The following SEC14L1 variants were observed in gnomAD, a reference collection of about 807,000 sequenced individuals.
SEC14L1 encodes SEC14-like protein 1.
A neutral mutation model predicts 85.3 loss-of-function variants in SEC14L1; 48 were observed. The ratio of observed to expected loss-of-function variants is 0.56; its 90% CI spans 0.45 to 0.72. The LOEUF (loss-of-function observed/expected upper bound fraction) is 0.72, where lower values mean the gene tolerates loss of function less well. Ranked by LOEUF, SEC14L1 falls within the 30% of genes least tolerant of loss-of-function variation. The pLI is 0.00. For synonymous variants in SEC14L1, 391 were observed against 355.5 expected (o/e 1.10, Z -1.12); for missense variants, 682 against 921.4 (o/e 0.74, Z 3.36).
At chr17:77,187,198 C>T (rs1975303569) in intron 3 of SEC14L1, among the ~76,000 whole-genome samples, 1 of 152,150 alleles carries the variant, frequency 6.6e-6, no homozygotes, top group East Asian at 1.9e-4. Context: ...TGGTCCCAGG[C>T]ATTTTGGAGA....
intron 3 of SEC14L1, among the ~76,000 whole-genome samples, chr17:77,118,688 G>C (rs1240602253): frequency 6.6e-6 from 1 of 152,242 alleles, no homozygotes; most frequent in African/African-American, 2.4e-5. Context: ...TTATAATTAT[G>C]CATTTCGACA....
At chr17:77,173,835 G>A (rs893545769) in intron 3 of SEC14L1, among the ~76,000 whole-genome samples, 33 of 152,258 alleles carry the variant, frequency 2.2e-4, no homozygotes, top group African/African-American at 7.0e-4. Flanking sequence ...GCATCCTGGA[G>A]AAGGTGTTTT....
At chr17:77,161,235 C>A (rs1974039475) in intron 3 of SEC14L1, among the ~76,000 whole-genome samples, 2 of 152,152 alleles carry the variant, frequency 1.3e-5, no homozygotes, top group South Asian at 4.1e-4. Context: ...GCCTATAATC[C>A]CAGTCCTTTG....
intron 3 of SEC14L1, among the ~76,000 whole-genome samples, chr17:77,152,271 C>T (rs1356318821): frequency 6.6e-6 from 1 of 151,902 alleles, no homozygotes; most frequent in Non-Finnish European, 1.5e-5. Context: ...CACGGTGGCT[C>T]ATGCCTGTAA....
At position 77,216,571 on chromosome 17, in the gene SEC14L1, C is replaced by T; in HGVS notation, c.*2548C>T. ...CAGATGGCGATTTTGCTGACAGCTG[C>T]CAAGAAAATGCTTCACTCAACAGTC... On this transcript the variant is annotated 3_prime_UTR_variant, in exon 17 of 17. Transcript: ENST00000436233. 1 of 1,613,314 alleles carries T rather than the reference C, an allele frequency of 6.2e-7. No individual in the cohort carries two copies.
intron 3 of SEC14L1, among the ~76,000 whole-genome samples, chr17:77,182,800 C>T (rs1975095279): frequency 6.6e-6 from 1 of 152,176 alleles, no homozygotes; most frequent in African/African-American, 2.4e-5. Flanking sequence ...AGAGATAAAA[C>T]GTGAAGGCCT....
In SEC14L1 at chr17:77,091,152, A is replaced by T. The variant is rs569332151; in HGVS notation, c.-240+1881A>T. On this transcript the variant is annotated intron_variant, in intron 2 of 19. Coordinates refer to the SEC14L1 transcript ENST00000392476. ...TCCCAGGTTGGAGTGCAGTGGTGTG[A>T]TCTTGGCTCACTGCAACCTCCACCT... Among the ~76,000 whole-genome samples the T allele has an allele frequency of 7.2e-5, 11 of 152,022 alleles. No individual in the cohort carries two copies. The South Asian group carries it at 2.3e-3, about 32-fold the overall frequency.
Position 77,134,724 on chromosome 17 carries a change from C to CT in SEC14L1, c.-135-7921dup, listed in dbSNP as rs574294486. On this transcript the variant is annotated intron_variant, in intron 3 of 19. Coordinates refer to the SEC14L1 transcript ENST00000392476. Reference sequence around the variant, plus strand: ...CTAGCCTGGGTGACCGAGCAAAACTCTGTCTCAAAAATAAATTAAATAAAT... The same window carrying CT: ...CTAGCCTGGGTGACCGAGCAAAACTCTTGTCTCAAAAATAAATTAAATAAAT... 1.3e-3 allele frequency among the ~76,000 whole-genome samples: 196 copies of CT among 152,222 alleles called. 2 individuals are homozygous for CT. The highest frequency in any genetic ancestry group is 4.5e-3 in the African/African-American group (186 of 41,540).
rs1252119649 is a variant in SEC14L1, at chr17:77,179,941, T to C, written c.64-10862T>C. On this transcript the variant is annotated intron_variant, in intron 3 of 16. Transcript: ENST00000436233. ...ACCCGCCCGCCTCAGCCTCCCAAAGTGCTGGGATTACAGGCATGAGCCGCC... is the reference window on the plus strand; with the variant it reads ...ACCCGCCCGCCTCAGCCTCCCAAAGCGCTGGGATTACAGGCATGAGCCGCC... Among the ~76,000 whole-genome samples the C allele has an allele frequency of 2.6e-5, 4 of 152,264 alleles. No homozygotes were observed. The East Asian group carries it at 7.7e-4, about 29-fold the overall frequency.
In SEC14L1 at chr17:77,158,798, C is replaced by CTTTTTTTTTTTTT. The variant is rs34186028; in HGVS notation, c.63+15160_63+15172dup. Among the ~76,000 whole-genome samples, 38 of 39,240 alleles carry CTTTTTTTTTTTTT rather than the reference C, an allele frequency of 9.7e-4. 13 individuals are homozygous for CTTTTTTTTTTTTT. The highest frequency in any genetic ancestry group is 1.2e-3 in the Non-Finnish European group (26 of 22,436). 25.7% of individuals were successfully genotyped at this position (39,240 alleles called of 152,430 possible). A position where few individuals can be genotyped will look rare whatever the true frequency, so the allele number is the denominator to read the frequency against. Reference sequence around the variant, plus strand: ...CAATTACATTTTATAGCTTTCTTTCCTTTTTTTTTTTTTTTTTTTTTTTTT... The same window carrying CTTTTTTTTTTTTT: ...CAATTACATTTTATAGCTTTCTTTCCTTTTTTTTTTTTTTTTTTTTTTTTTTTTTTTTTTTTTT... On this transcript the variant is annotated intron_variant, in intron 3 of 16. Coordinates refer to ENST00000436233, the MANE Select transcript of SEC14L1 (RefSeq NM_001143998.2).
chr17:77,191,000 A>G, intron 4 of SEC14L1, 48 bp downstream of exon 4: 1 of 1,602,498 alleles, frequency 6.2e-7, no homozygotes, highest in Non-Finnish European at 8.5e-7. Context: ...TCCTGGTGGG[A>G]GAGGGCGTCC....
chr17:77,208,466 C>T (rs1254795), intron 13 of SEC14L1, among the ~76,000 whole-genome samples: 54,529 of 151,988 alleles, frequency 0.36, 10,011 homozygotes, highest in South Asian at 0.43. Context: ...TGCCGACCTC[C>T]GTAGTGTGTT....
intron 9 of SEC14L1, 93 bp downstream of exon 9, chr17:77,200,766 G>A (rs928554455): frequency 3.2e-6 from 4 of 1,260,532 alleles, no homozygotes; most frequent in Non-Finnish European, 4.4e-6. Flanking sequence ...GTTGAGTGGG[G>A]CCCCCTTGAG....
At chr17:77,207,429 C>G (rs7211252) in intron 13 of SEC14L1, among the ~76,000 whole-genome samples, 2 of 151,596 alleles carry the variant, frequency 1.3e-5, no homozygotes, top group Non-Finnish European at 2.9e-5. Context: ...CACTATTTTG[C>G]CCCAGACTGG....
At chr17:77,167,235 A>G (rs753427688) in intron 3 of SEC14L1, among the ~76,000 whole-genome samples, 1 of 151,002 alleles carries the variant, frequency 6.6e-6, no homozygotes, top group Non-Finnish European at 1.5e-5. Context: ...TCATTGTTGA[A>G]GCAATTCTCC....
At chr17:77,181,488 C>G (rs75310260) in intron 3 of SEC14L1, among the ~76,000 whole-genome samples, 2,633 of 152,362 alleles carry the variant, frequency 0.017, 90 homozygotes, top group African/African-American at 0.06. Context: ...TCTCAGCTCA[C>G]TGCATCCTCC....
intron 3 of SEC14L1, among the ~76,000 whole-genome samples, chr17:77,105,217 C>T (rs1971881832): frequency 6.6e-6 from 1 of 151,972 alleles, no homozygotes; most frequent in Non-Finnish European, 1.5e-5. Context: ...TTTTGGGGGC[C>T]CAAGATATTT....
chr17:77,142,155 C>T (rs1336835890), intron 1 of SEC14L1, among the ~76,000 whole-genome samples: 1 of 152,146 alleles, frequency 6.6e-6, no homozygotes, highest in Admixed American at 6.5e-5. Flanking sequence ...CGTGGTCACC[C>T]AGAGTCATTC....
chr17:77,195,999 G>A (rs947742099), intron 7 of SEC14L1, among the ~76,000 whole-genome samples: 4 of 152,196 alleles, frequency 2.6e-5, no homozygotes, highest in African/African-American at 9.7e-5. Context: ...GAGTCAGAAA[G>A]TGTACCTGTG....
Sources: allele counts gnomAD v4.1 joint callset (sites outside exome capture counted in the v4.1 genomes callset), GRCh38; gene constraint gnomAD v4.1.1; transcripts MANE v1.5; gene names NCBI Gene and HGNC (gene_info 2026-07-23, HGNC 2026-07-21).